Variants in NEK11 observed in about 807,000 individuals in gnomAD.
NEK11 encodes NIMA related kinase 11.
Under a neutral mutation model 80.7 loss-of-function variants are expected in NEK11, and 72 were observed. The observed-to-expected ratio is 0.89, with a 90% CI of 0.74 to 1.08. NEK11 has a LOEUF of 1.08. Among genes scored for constraint, NEK11 ranks in the 50% least tolerant of loss-of-function variants. The pLI, the probability that NEK11 is intolerant of heterozygous loss-of-function variation, is 0.00. For missense variants in NEK11, 764 were observed against 763.6 expected, an observed-to-expected ratio of 1.00 and a Z score of -0.01; for synonymous variants, 251 against 260.7, an observed-to-expected ratio of 0.96 and a Z score of 0.36.
At chr3:131,197,274 T>C (rs1004590191) in intron 14 of NEK11, among the ~76,000 whole-genome samples, 6 of 152,098 alleles carry the variant, frequency 3.9e-5, no homozygotes, top group Non-Finnish European at 8.8e-5. Flanking sequence ...TCCTGCTGAA[T>C]TGGGGCGTAG....
chr3:131,311,901 A>G (rs150849141), intron 17 of NEK11, among the ~76,000 whole-genome samples: 11 of 152,328 alleles, frequency 7.2e-5, no homozygotes, highest in African/African-American at 2.4e-4. Context: ...AATTCAATGG[A>G]AGCCCACAAA....
chr3:131,153,205 G>A (rs2718872), intron 9 of NEK11, among the ~76,000 whole-genome samples: 121,587 of 152,170 alleles, frequency 0.8, 48,687 homozygotes, highest in East Asian at 0.86. Flanking sequence ...AAGAAGTTAG[G>A]TTTCTGATTT....
At chr3:131,224,010 C>G (rs2095112964) in intron 14 of NEK11, among the ~76,000 whole-genome samples, 1 of 152,182 alleles carries the variant, frequency 6.6e-6, no homozygotes, top group East Asian at 1.9e-4. Flanking sequence ...CAATGACAGA[C>G]TGCATGTACA....
intron 4 of NEK11, among the ~76,000 whole-genome samples, chr3:131,105,020 T>C (rs1323478619): frequency 6.6e-6 from 1 of 152,198 alleles, no homozygotes; most frequent in African/African-American, 2.4e-5. Context: ...CTTTGATGAA[T>C]CAAAACATGG....
intron 5 of NEK11, among the ~76,000 whole-genome samples, chr3:131,129,354 A>T (rs1578770168): frequency 6.6e-6 from 1 of 152,136 alleles, no homozygotes; most frequent in Non-Finnish European, 1.5e-5. Flanking sequence ...GCACCCGGCC[A>T]ACAGTCTATC....
intron 3 of NEK11, among the ~76,000 whole-genome samples, chr3:131,045,746 C>T (rs544909878): frequency 2.0e-5 from 3 of 152,018 alleles, no homozygotes; most frequent in Non-Finnish European, 4.4e-5. Context: ...TATCTCATTT[C>T]TTAGGTCTAG....
intron 15 of NEK11, among the ~76,000 whole-genome samples, chr3:131,230,564 G>A (rs2095309586): frequency 6.6e-6 from 1 of 152,032 alleles, no homozygotes; most frequent in South Asian, 2.1e-4. Context: ...ACCTCTTTAT[G>A]ATACTGCCAA....
Position 131,207,598 on chromosome 3 carries a change from C to G in NEK11, c.1400-20930C>G, listed in dbSNP as rs144967449. On this transcript the variant is annotated intron_variant, in intron 14 of 17. Coordinates refer to ENST00000383366, the MANE Select transcript of NEK11 (RefSeq NM_024800.5). ...TATCTCAAGAAAAAAAAAAAGTGTT[C>G]CTATTTCTCCACATCCTCTCCAGTA... Among the ~76,000 whole-genome samples, 19 of 151,984 alleles carry G rather than the reference C, an allele frequency of 1.3e-4. No homozygotes were observed. In the South Asian group the frequency reaches 2.5e-3, roughly 20 times the overall value.
chr3:131,182,584 T>G (rs2093415065), intron 14 of NEK11, among the ~76,000 whole-genome samples: 1 of 152,206 alleles, frequency 6.6e-6, no homozygotes, highest in Non-Finnish European at 1.5e-5. Context: ...CAGCTAACCT[T>G]GATGATCCTT....
At chr3:131,292,515 C>CTT (rs60196110) in intron 17 of NEK11, among the ~76,000 whole-genome samples, 15 of 136,252 alleles carry the variant, frequency 1.1e-4, no homozygotes, top group South Asian at 2.4e-4. Flanking sequence ...GAACTAACAT[C>CTT]TTTTTTTTTT....
At chr3:131,333,338 C>T (rs2097126914) in intron 17 of NEK11, among the ~76,000 whole-genome samples, 1 of 152,190 alleles carries the variant, frequency 6.6e-6, no homozygotes, top group South Asian at 2.1e-4. Flanking sequence ...AAAGAATTTT[C>T]AACCCAGAAT....
chr3:131,091,267 C>G (rs1182930788), intron 4 of NEK11, among the ~76,000 whole-genome samples: 1 of 152,162 alleles, frequency 6.6e-6, no homozygotes, highest in Non-Finnish European at 1.5e-5. Context: ...TTTTAAAGTT[C>G]TACCCAGAAG....
intron 14 of NEK11, among the ~76,000 whole-genome samples, chr3:131,200,284 T>C (rs1451737528): frequency 6.6e-6 from 1 of 152,204 alleles, no homozygotes; most frequent in South Asian, 2.1e-4. Flanking sequence ...CACACTGAGA[T>C]ACCACTACGT....
intron 5 of NEK11, among the ~76,000 whole-genome samples, chr3:131,119,887 G>A (rs1375461273): frequency 6.6e-6 from 1 of 152,062 alleles, no homozygotes; most frequent in African/African-American, 2.4e-5. Context: ...CACATGAGAG[G>A]GATCTCCTGA....
At chr3:131,246,100 A>C (rs2095598503) in intron 16 of NEK11, among the ~76,000 whole-genome samples, 1 of 152,070 alleles carries the variant, frequency 6.6e-6, no homozygotes, top group Non-Finnish European at 1.5e-5. Flanking sequence ...TTCTTTAAAC[A>C]AAAAAATTTT....
At chr3:131,183,563 G>T (rs1384869103) in intron 14 of NEK11, among the ~76,000 whole-genome samples, 1 of 152,186 alleles carries the variant, frequency 6.6e-6, no homozygotes, top group African/African-American at 2.4e-5. Context: ...GTGTTAGTTT[G>T]CTGAGGATAA....
At chr3:131,202,301 C>G (rs1413251493) in intron 14 of NEK11, among the ~76,000 whole-genome samples, 3 of 152,124 alleles carry the variant, frequency 2.0e-5, no homozygotes, top group Admixed American at 2.0e-4. Flanking sequence ...CATCACCACA[C>G]CTGGGAAGTG....
rs1269987367 is a variant in NEK11, at chr3:131,349,908, C to A, written c.*132C>A. On this transcript the variant is annotated 3_prime_UTR_variant, in exon 18 of 18. Transcript: ENST00000383366. ...CCCATCTTGACTTTCAATTCCTCAT[C>A]AGAAGTACTGGCTTCTTTAGAGAGT... 7.3e-6 allele frequency: 5 copies of A among 680,470 alleles called. No homozygotes were observed. Among genetic ancestry groups the A allele is most frequent in the Non-Finnish European group, 7.4e-6 (3 of 403,930 alleles). The allele number at this position is 680,470 out of a possible 1,614,324, so 42.2% of individuals were successfully genotyped here.
intron 7 of NEK11, among the ~76,000 whole-genome samples, chr3:131,143,700 TAAAA>T (rs990954715): frequency 6.6e-6 from 1 of 152,070 alleles, no homozygotes. Flanking sequence ...AGGTCATTCA[TAAAA>T]AATTGCTATA....
Sources: gnomAD v4.1 joint callset for allele counts (sites outside exome capture counted in the v4.1 genomes callset) on GRCh38, gnomAD v4.1.1 for gene constraint, MANE v1.5 for transcripts, NCBI Gene and HGNC (gene_info 2026-07-23, HGNC 2026-07-21) for gene names.